LAMA3: variants seen among roughly 807,000 people sequenced by gnomAD.
LAMA3 encodes laminin subunit alpha-3.
In LAMA3, 281 loss-of-function variants were observed where a neutral mutation model predicts 402.0. The ratio of observed to expected loss-of-function variants is 0.70; its 90% CI spans 0.63 to 0.77. LAMA3 has a LOEUF of 0.77. Among genes scored for constraint, LAMA3 ranks in the 30% least tolerant of loss-of-function variants. The pLI, the probability that LAMA3 is intolerant of heterozygous loss-of-function variation, is 0.00. For missense variants in LAMA3, 3,840 were observed against 4,215.5 expected, an observed-to-expected ratio of 0.91 and a Z score of 2.47; for synonymous variants, 1,431 against 1,558.4, an observed-to-expected ratio of 0.92 and a Z score of 1.93.
chr18:23,717,956 C>T (rs952380016), intron 2 of LAMA3, among the ~76,000 whole-genome samples: 4 of 151,820 alleles, frequency 2.6e-5, no homozygotes, highest in African/African-American at 7.3e-5. Context: ...TCATACTTTC[C>T]GGGGTTGTTC....
intron 62 of LAMA3, among the ~76,000 whole-genome samples, chr18:23,926,910 CTGTT>C (rs752583657): frequency 7.2e-5 from 11 of 152,222 alleles, no homozygotes; most frequent in African/African-American, 2.7e-4. Context: ...GTACAAAACA[CTGTT>C]TGAGTGTGTT....
chr18:23,896,749 C>T (rs2080888299), intron 44 of LAMA3, among the ~76,000 whole-genome samples: 1 of 152,142 alleles, frequency 6.6e-6, no homozygotes, highest in Non-Finnish European at 1.5e-5. Context: ...AGACCTGGAT[C>T]TATGCTGGAA....
At chr18:23,901,398 GTGGC>G in intron 48 of LAMA3, 75 bp downstream of exon 48, 2 of 1,289,308 alleles carry the variant, frequency 1.6e-6, no homozygotes, top group Non-Finnish European at 2.2e-6. Context: ...TATTAATAAA[GTGGC>G]ATAGCCAGGC....
At position 23,916,532 on chromosome 18, in the gene LAMA3, T is replaced by C; in HGVS notation, c.7779-19T>C. The C allele has an allele frequency of 6.2e-7, 1 of 1,613,752 alleles. No homozygotes were observed. Among genetic ancestry groups the C allele is most frequent in the Non-Finnish European group, 8.5e-7 (1 of 1,179,602 alleles). ...TCATTTGCTGCTGTGTTCTAATTTA[T>C]GATGATTAATGTTGACAGGAGGAAG... is the stretch of plus-strand genomic sequence containing the variant. On this transcript the variant is annotated intron_variant, in intron 59 of 74. Coordinates refer to ENST00000313654, the MANE Select transcript of LAMA3 (RefSeq NM_198129.4).
At chr18:23,897,454 T>C (rs1198074604) in intron 44 of LAMA3, among the ~76,000 whole-genome samples, 1 of 152,218 alleles carries the variant, frequency 6.6e-6, no homozygotes, top group Non-Finnish European at 1.5e-5. Flanking sequence ...TTCATCAACA[T>C]GGCCCTGCAG....
chr18:23,740,103 G>C (rs2061537668), intron 2 of LAMA3, among the ~76,000 whole-genome samples: 1 of 152,214 alleles, frequency 6.6e-6, no homozygotes, highest in South Asian at 2.1e-4. Context: ...TCATTACAGA[G>C]AGTAGGATAA....
chr18:23,938,884 C>A (rs2082396142), intron 67 of LAMA3, among the ~76,000 whole-genome samples: 2 of 152,100 alleles, frequency 1.3e-5, no homozygotes, highest in South Asian at 4.1e-4. Context: ...AAAGAATGAG[C>A]CCCTCTGCCT....
chr18:23,878,026 T>C (rs1360728863), intron 39 of LAMA3, among the ~76,000 whole-genome samples: 1 of 152,134 alleles, frequency 6.6e-6, no homozygotes, highest in Non-Finnish European at 1.5e-5. Context: ...GGCAGGAGAA[T>C]GGCGTGAACC....
chr18:23,881,992 T>C lies in LAMA3; in HGVS notation c.5169T>C (p.Tyr1723=), dbSNP rs140561492. ...EHCERCQEGY[Y]GNAVHGSCRA... ...GTGAACGCTGCCAGGAGGGCTACTATGGCAACGCCGTCCACGGATCCTGCA... is the reference window on the plus strand; with the variant it reads ...GTGAACGCTGCCAGGAGGGCTACTACGGCAACGCCGTCCACGGATCCTGCA... Residue 1723 remains tyrosine, a synonymous_variant, in exon 40 of 75, where the codon TAT becomes TAC. Coordinates refer to ENST00000313654, the MANE Select transcript of LAMA3 (RefSeq NM_198129.4). 1.6e-4 allele frequency: 253 copies of C among 1,614,144 alleles called. No homozygotes were observed. The highest frequency in any genetic ancestry group is 6.6e-4 in the Middle Eastern group (4 of 6,062).
chr18:23,838,841 C>A lies in LAMA3; in HGVS notation c.3154C>A (p.His1052Asn). ...AGCTGAGTATGTGAGACCACAAGTC[C>A]ACTGCATTGCCAGTTATGGGCGATT... ...FSAEYVRPQV[H>N]CIASYGRFVN... is the part of the protein sequence containing the mutation. Residue 1052 changes from histidine (H) to asparagine (N), a missense_variant, in exon 26 of 75, where the codon CAC (histidine) becomes AAC (asparagine). By Grantham distance (68) the His-to-Asn change is moderately conservative. Transcript: ENST00000313654. The A allele has an allele frequency of 6.2e-7, 1 of 1,611,740 alleles. No homozygotes were observed. The highest frequency in any genetic ancestry group is 8.5e-7 in the Non-Finnish European group (1 of 1,177,822).
chr18:23,745,504 C>A (rs951529850), intron 2 of LAMA3, among the ~76,000 whole-genome samples: 2 of 152,126 alleles, frequency 1.3e-5, no homozygotes, highest in African/African-American at 2.4e-5. Context: ...CTTCTTCCCC[C>A]CAAGATGAAA....
At chr18:23,831,699 C>T (rs1055645972) in intron 23 of LAMA3, among the ~76,000 whole-genome samples, 3 of 152,138 alleles carry the variant, frequency 2.0e-5, no homozygotes, top group African/African-American at 7.2e-5. Flanking sequence ...CCTATCACCT[C>T]GCTGGTGGAC....
At chr18:23,812,940 C>G (rs570852067) in intron 13 of LAMA3, 117 bp from the exon 14 acceptor site, 2 of 733,962 alleles carry the variant, frequency 2.7e-6, no homozygotes, top group Admixed American at 4.1e-5. Flanking sequence ...ACACATCTAT[C>G]GAAAATATAA....
chr18:23,847,363 G>T, intron 31 of LAMA3, 101 bp from the exon 32 acceptor site: 1 of 1,237,780 alleles, frequency 8.1e-7, no homozygotes, highest in Non-Finnish European at 1.2e-6. Flanking sequence ...ATTTCTCTCT[G>T]ACCCTTTGGA....
In LAMA3 at chr18:23,868,057, ATCCT is replaced by A. The variant is rs2064408736; in HGVS notation, c.4767+142_4767+145del. The A allele has an allele frequency of 3.4e-5, 25 of 729,994 alleles. No homozygotes were observed. In the East Asian group the frequency reaches 7.2e-4, roughly 21 times the overall value. 45.2% of individuals were successfully genotyped at this position (729,994 alleles called of 1,614,324 possible). On this transcript the variant is annotated intron_variant, in intron 37 of 74. Coordinates refer to ENST00000313654, the MANE Select transcript of LAMA3 (RefSeq NM_198129.4). ...ATATGTTTATATATACAGGTTGAGC[ATCCT>A]TAATCTGAAAATCCAAAATCCAAAA...
intron 32 of LAMA3, among the ~76,000 whole-genome samples, chr18:23,854,941 C>T (rs866648942): frequency 6.6e-5 from 10 of 152,090 alleles, no homozygotes; most frequent in East Asian, 1.9e-4. Context: ...GCCGAGATCG[C>T]GCCACTGCAC....
chr18:23,856,919 A>C (rs2064094064), intron 32 of LAMA3, among the ~76,000 whole-genome samples: 1 of 152,036 alleles, frequency 6.6e-6, no homozygotes, highest in Non-Finnish European at 1.5e-5. Context: ...CTGACTTGAC[A>C]TCCTGCTGCT....
chr18:23,855,586 G>A (rs1444683518), intron 32 of LAMA3, among the ~76,000 whole-genome samples: 1 of 152,152 alleles, frequency 6.6e-6, no homozygotes, highest in Non-Finnish European at 1.5e-5. Context: ...CTGGGGCCAG[G>A]AGCCCTCTGA....
intron 1 of LAMA3, among the ~76,000 whole-genome samples, chr18:23,693,136 A>G (rs2145803932): frequency 6.6e-6 from 1 of 152,260 alleles, no homozygotes; most frequent in Non-Finnish European, 1.5e-5. Flanking sequence ...CTGAGGTTGG[A>G]CGTTCAAGAC....
Sources: gnomAD v4.1 joint callset for allele counts (sites outside exome capture counted in the v4.1 genomes callset) on GRCh38, gnomAD v4.1.1 for gene constraint, MANE v1.5 for transcripts, NCBI Gene and HGNC (gene_info 2026-07-23, HGNC 2026-07-21) for gene names.